NRG1: variants seen among roughly 807,000 people sequenced by gnomAD.
NRG1 encodes the protein neuregulin 1.
NRG1 carries 18 observed loss-of-function variants against 63.8 expected under a neutral mutation model. The observed-to-expected ratio is 0.28, with a 90% CI of 0.19 to 0.42. The LOEUF is 0.42. NRG1 is among the 10% of genes least tolerant of loss of function. The pLI is 1.00. For synonymous variants in NRG1, 302 were observed against 301.3 expected (o/e 1.00, Z -0.02); for missense variants, 762 against 814.7 (o/e 0.94, Z 0.79).
intron 1 of NRG1, among the ~76,000 whole-genome samples, chr8:32,131,220 TA>T (rs960689141): frequency 1.3e-4 from 19 of 151,984 alleles, no homozygotes; most frequent in African/African-American, 3.4e-4. Context: ...CCTTGAAAAA[TA>T]AAACATGCTT....
chr8:31,927,488 G>T (rs557081740), intron 1 of NRG1, among the ~76,000 whole-genome samples: 2 of 113,216 alleles, frequency 1.8e-5, no homozygotes, highest in Admixed American at 1.3e-4. Context: ...TCGCTCTGTC[G>T]CCCAGGCTGG....
At chr8:32,469,456 T>C (rs1222879117) in intron 1 of NRG1, among the ~76,000 whole-genome samples, 2 of 152,122 alleles carry the variant, frequency 1.3e-5, no homozygotes, top group East Asian at 3.9e-4. Flanking sequence ...TTGGTAGTCA[T>C]GGGCAGGCTG....
In NRG1 at chr8:32,087,482, C is replaced by CTTTTTTTTTTTTTTTTT. The variant is rs67438409; in HGVS notation, c.37+448052_37+448068dup. Among the ~76,000 whole-genome samples, 172 of 90,260 alleles carry CTTTTTTTTTTTTTTTTT rather than the reference C, an allele frequency of 1.9e-3. 5 individuals carry two copies. The highest frequency in any genetic ancestry group is 2.7e-3 in the Non-Finnish European group (130 of 48,212). The allele number at this position is 90,260 out of a possible 152,430, so 59.2% of individuals were successfully genotyped here. A position where few individuals can be genotyped will look rare whatever the true frequency, so the allele number is the denominator to read the frequency against. ...CCAGCCTCAGGTATTTCTTTTCTTT[C>CTTTTTTTTTTTTTTTTT]TTTTTTTTTTTTTTTTTGAGATGGA... is the stretch of plus-strand genomic sequence containing the variant. On this transcript the variant is annotated intron_variant, in intron 1 of 10. Transcript: ENST00000519301.
chr8:31,817,158 G>T (rs1823532796), intron 1 of NRG1, among the ~76,000 whole-genome samples: 1 of 152,182 alleles, frequency 6.6e-6, no homozygotes, highest in South Asian at 2.1e-4. Context: ...AAATGTTGTT[G>T]AACAAAAATG....
At chr8:31,728,620 A>G (rs1813698710) in intron 1 of NRG1, among the ~76,000 whole-genome samples, 1 of 152,154 alleles carries the variant, frequency 6.6e-6, no homozygotes, top group Non-Finnish European at 1.5e-5. Flanking sequence ...TTAAATTGTT[A>G]TCATCATTAA....
chr8:32,466,161 G>A (rs191887314), intron 1 of NRG1, among the ~76,000 whole-genome samples: 197 of 152,072 alleles, frequency 1.3e-3, no homozygotes, highest in Non-Finnish European at 2.0e-3. Flanking sequence ...ACATACATAA[G>A]TAACTAAGTA....
At chr8:31,838,945 A>C (rs1436182293) in intron 1 of NRG1, among the ~76,000 whole-genome samples, 1 of 152,148 alleles carries the variant, frequency 6.6e-6, no homozygotes, top group African/African-American at 2.4e-5. Flanking sequence ...CTAGAGTAGA[A>C]ATTTTTGGCA....
intron 1 of NRG1, among the ~76,000 whole-genome samples, chr8:32,376,711 T>A (rs1350494723): frequency 2.0e-5 from 3 of 152,140 alleles, no homozygotes; most frequent in Non-Finnish European, 4.4e-5. Context: ...GTGTACTGAG[T>A]TCTGGCTTCT....
intron 1 of NRG1, among the ~76,000 whole-genome samples, chr8:32,204,291 G>A (rs1843795130): frequency 6.6e-6 from 1 of 152,194 alleles, no homozygotes; most frequent in Non-Finnish European, 1.5e-5. Context: ...GTGTAGAGGA[G>A]TGACATGATC....
chr8:32,276,170 A>T (rs545595366), intron 1 of NRG1, among the ~76,000 whole-genome samples: 1 of 152,248 alleles, frequency 6.6e-6, no homozygotes, highest in African/African-American at 2.4e-5. Flanking sequence ...CTTTGTATCT[A>T]TTAACCAAAC....
intron 1 of NRG1, among the ~76,000 whole-genome samples, chr8:32,261,983 C>A (rs1020278544): frequency 6.6e-6 from 1 of 152,086 alleles, no homozygotes; most frequent in African/African-American, 2.4e-5. Flanking sequence ...GGATCCAGAT[C>A]GCCTTGAATT....
intron 1 of NRG1, among the ~76,000 whole-genome samples, chr8:32,146,374 C>T (rs1052198047): frequency 6.6e-6 from 1 of 152,108 alleles, no homozygotes; most frequent in African/African-American, 2.4e-5. Context: ...AAAACTGTTT[C>T]GATGAGAATT....
rs74941272 is a variant in NRG1 at position 32,020,860 on chromosome 8, G to T, written c.37+381429G>T. Among the ~76,000 whole-genome samples, 313 of 152,192 alleles carry T rather than the reference G, an allele frequency of 2.1e-3. 1 individual carries two copies. Among genetic ancestry groups the T allele is most frequent in the African/African-American group, 7.3e-3 (302 of 41,504 alleles). ...TATTCATTTATTTGGGATTTACCAT[G>T]TATTGCTTTAAATTTTAAGCAATTT... On this transcript the variant is annotated intron_variant, in intron 1 of 10. Transcript: ENST00000519301.
At chr8:32,466,211 C>T (rs1823044820) in intron 1 of NRG1, among the ~76,000 whole-genome samples, 1 of 151,960 alleles carries the variant, frequency 6.6e-6, no homozygotes, top group Admixed American at 6.6e-5. Context: ...CCTGTACTTC[C>T]AGCTACTTGG....
At chr8:31,783,618 A>C (rs1222212775) in intron 1 of NRG1, among the ~76,000 whole-genome samples, 1 of 151,532 alleles carries the variant, frequency 6.6e-6, no homozygotes, top group Non-Finnish European at 1.5e-5. Flanking sequence ...AAAAAAAAAA[A>C]CAAAAAACAC....
intron 5 of NRG1, among the ~76,000 whole-genome samples, chr8:32,637,797 G>C (rs1272159102): frequency 6.6e-6 from 1 of 152,136 alleles, no homozygotes; most frequent in African/African-American, 2.4e-5. Context: ...CATTTTGTGT[G>C]CTCCCTTAGT....
At chr8:31,751,532 A>C (rs16878243) in intron 1 of NRG1, among the ~76,000 whole-genome samples, 22,665 of 151,988 alleles carry the variant, frequency 0.15, 2,099 homozygotes, top group East Asian at 0.2. Context: ...TAGATCAGGC[A>C]GTGCTTTGAT....
At chr8:32,366,673 GTGTGTATATATATATATATATA>G (rs1167384620) in intron 1 of NRG1, among the ~76,000 whole-genome samples, 1 of 42,982 alleles carries the variant, frequency 2.3e-5, no homozygotes, top group Non-Finnish European at 4.5e-5. Flanking sequence ...GTGTGTGTGT[GTGTGTATATATATATATATATA>G]TATATATATA....
intron 1 of NRG1, among the ~76,000 whole-genome samples, chr8:31,898,599 G>T (rs549558715): frequency 6.6e-6 from 1 of 152,136 alleles, no homozygotes; most frequent in Non-Finnish European, 1.5e-5. Flanking sequence ...AGCTACTTGG[G>T]ATACTGAGGT....
Sources: allele counts gnomAD v4.1 joint callset (sites outside exome capture counted in the v4.1 genomes callset), GRCh38; gene constraint gnomAD v4.1.1; transcripts MANE v1.5; gene names NCBI Gene and HGNC (gene_info 2026-07-23, HGNC 2026-07-21).